SNX9: variants seen among roughly 807,000 people sequenced by gnomAD.
SNX9 encodes the protein sorting nexin 9.
Under a neutral mutation model 89.4 loss-of-function variants are expected in SNX9, and 44 were observed. The observed-to-expected ratio is 0.49, with a 90% CI of 0.39 to 0.63. The LOEUF (loss-of-function observed/expected upper bound fraction) is 0.63, where lower values mean the gene tolerates loss of function less well. Among genes scored for constraint, SNX9 ranks in the 30% least tolerant of loss-of-function variants. The pLI is 0.00. For synonymous variants in SNX9, 236 were observed against 247.8 expected (o/e 0.95, Z 0.45); for missense variants, 578 against 736.1 (o/e 0.79, Z 2.49).
intron 2 of SNX9, among the ~76,000 whole-genome samples, chr6:157,869,328 T>G (rs1218541819): frequency 6.6e-6 from 1 of 152,198 alleles, no homozygotes; most frequent in Non-Finnish European, 1.5e-5. Context: ...CTTCCTCCTG[T>G]GGCTCCAGCC....
intron 4 of SNX9, among the ~76,000 whole-genome samples, chr6:157,877,578 C>G (rs1489107899): frequency 6.6e-6 from 1 of 152,188 alleles, no homozygotes; most frequent in Non-Finnish European, 1.5e-5. Flanking sequence ...ATTTTCCTAT[C>G]AGGTTTGCCC....
chr6:157,842,525 G>A (rs1411518760), intron 1 of SNX9, among the ~76,000 whole-genome samples: 1 of 152,186 alleles, frequency 6.6e-6, no homozygotes, highest in Non-Finnish European at 1.5e-5. Flanking sequence ...GAGTTTGTTA[G>A]TCAGTCTCCC....
chr6:157,853,993 C>T (rs540017854), intron 1 of SNX9, among the ~76,000 whole-genome samples: 2 of 152,312 alleles, frequency 1.3e-5, no homozygotes, highest in Non-Finnish European at 2.9e-5. Flanking sequence ...AACCTATGTG[C>T]CTGGCTTCAA....
At chr6:157,906,065 G>T in intron 6 of SNX9, 63 bp from the exon 7 acceptor site, 1 of 1,379,574 alleles carries the variant, frequency 7.2e-7, no homozygotes, top group Non-Finnish European at 1.0e-6. Flanking sequence ...AAATGTAGAC[G>T]AGAGTTGTAA....
At chr6:157,874,680 G>T in intron 3 of SNX9, 1 of 180,346 alleles carries the variant, frequency 5.5e-6, no homozygotes, top group Non-Finnish European at 1.2e-5. Context: ...CATATTCTGA[G>T]CCATAAAACA....
chr6:157,867,854 A>T (rs1279781714), intron 2 of SNX9, among the ~76,000 whole-genome samples: 1 of 152,228 alleles, frequency 6.6e-6, no homozygotes. Flanking sequence ...ACAGGAAAAA[A>T]GTTCCCTAAA....
chr6:157,858,514 G>A lies in SNX9; in HGVS notation c.13-9033G>A, dbSNP rs140266584. Among the ~76,000 whole-genome samples, 249 of 152,198 alleles carry A rather than the reference G, an allele frequency of 1.6e-3. 3 individuals are homozygous for A. The East Asian group carries it at 0.042, about 26-fold the overall frequency. On this transcript the variant is annotated intron_variant, in intron 1 of 17. Transcript: ENST00000392185. ...TGGGATTACAAGTGTGAGCCACCATGCCCGGCCATTGTCCAGAGTCTTAAT... is the reference window on the plus strand; with the variant it reads ...TGGGATTACAAGTGTGAGCCACCATACCCGGCCATTGTCCAGAGTCTTAAT...
At chr6:157,848,324 T>C (rs554795673) in intron 1 of SNX9, among the ~76,000 whole-genome samples, 71 of 152,188 alleles carry the variant, frequency 4.7e-4, no homozygotes, top group Non-Finnish European at 5.9e-4. Flanking sequence ...GAATTGGCTC[T>C]GATGGCTTTA....
At chr6:157,920,805 A>G (rs1260709883) in intron 9 of SNX9, among the ~76,000 whole-genome samples, 1 of 152,154 alleles carries the variant, frequency 6.6e-6, no homozygotes, top group Non-Finnish European at 1.5e-5. Flanking sequence ...TGTTCACTTG[A>G]TGTTTGTTAT....
intron 9 of SNX9, among the ~76,000 whole-genome samples, chr6:157,918,530 G>A (rs1783519994): frequency 6.6e-6 from 1 of 152,094 alleles, no homozygotes; most frequent in Admixed American, 6.5e-5. Context: ...AAGATAGTTG[G>A]ATCTTACTTT....
chr6:157,908,293 T>C (rs1290262154), intron 7 of SNX9, among the ~76,000 whole-genome samples: 1 of 152,206 alleles, frequency 6.6e-6, no homozygotes, highest in African/African-American at 2.4e-5. Context: ...TCATTCTCCT[T>C]GAATCTCTGA....
intron 1 of SNX9, among the ~76,000 whole-genome samples, chr6:157,833,290 A>C (rs1387255242): frequency 2.6e-5 from 4 of 152,176 alleles, no homozygotes; most frequent in Non-Finnish European, 4.4e-5. Flanking sequence ...AAGGAAAAAA[A>C]AGATTTTTTT....
intron 1 of SNX9, among the ~76,000 whole-genome samples, chr6:157,855,716 C>T (rs1781997166): frequency 6.6e-6 from 1 of 152,114 alleles, no homozygotes. Flanking sequence ...ACATTTTCCC[C>T]AGATTGTCAT....
intron 13 of SNX9, among the ~76,000 whole-genome samples, chr6:157,932,866 C>CAAAA (rs10545432): frequency 5.1e-4 from 20 of 39,198 alleles, no homozygotes; most frequent in Non-Finnish European, 8.2e-4. Flanking sequence ...GACCCTGTCT[C>CAAAA]AAAAAAAAAA....
At position 157,855,062 on chromosome 6, in the gene SNX9, T is replaced by C. The variant is rs545143268; in HGVS notation, c.13-12485T>C. ...AGCCATCTTCTTTCCTCAGGGGCAG[T>C]GTTACCCATTTCTTTTACATTGTTA... is the stretch of plus-strand genomic sequence containing the variant. On this transcript the variant is annotated intron_variant, in intron 1 of 17. Coordinates refer to ENST00000392185, the MANE Select transcript of SNX9 (RefSeq NM_016224.5). 1.3e-3 allele frequency among the ~76,000 whole-genome samples: 205 copies of C among 152,174 alleles called. 1 individual carries two copies. The highest frequency in any genetic ancestry group is 2.2e-4 in the Non-Finnish European group (15 of 68,006).
At chr6:157,929,169 G>A (rs1362064715) in intron 12 of SNX9, among the ~76,000 whole-genome samples, 4 of 152,160 alleles carry the variant, frequency 2.6e-5, no homozygotes, top group East Asian at 1.9e-4. Flanking sequence ...TGTCAGTCAC[G>A]GCTTTCTGAC....
rs1784106732 is a variant in SNX9, at chr6:157,944,663, A to G, written c.*1825A>G. 1 of 152,310 alleles carries G rather than the reference A, an allele frequency of 6.6e-6. No homozygotes were observed. Among genetic ancestry groups the G allele is most frequent in the South Asian group, 2.1e-4 (1 of 4,828 alleles). 9.4% of individuals were successfully genotyped at this position (152,310 alleles called of 1,614,324 possible). A position where few individuals can be genotyped will look rare whatever the true frequency, so the allele number is the denominator to read the frequency against. ...TCTTCTGACATGAATTCATCATTTC[A>G]GTTCCGTAGGTCAGTGTTGCGGTCC... On this transcript the variant is annotated 3_prime_UTR_variant, in exon 18 of 18. Coordinates refer to ENST00000392185, the MANE Select transcript of SNX9 (RefSeq NM_016224.5).
At chr6:157,850,132 G>A (rs779764628) in intron 1 of SNX9, among the ~76,000 whole-genome samples, 2 of 152,200 alleles carry the variant, frequency 1.3e-5, no homozygotes, top group Non-Finnish European at 2.9e-5. Flanking sequence ...AGTGTTTCAA[G>A]AAGGAAGAGT....
At chr6:157,912,724 A>G (rs986723755) in intron 9 of SNX9, among the ~76,000 whole-genome samples, 1 of 152,224 alleles carries the variant, frequency 6.6e-6, no homozygotes, top group Admixed American at 6.5e-5. Flanking sequence ...GAAAAAATGT[A>G]CAGTTAACAT....
Sources: gnomAD v4.1 joint callset for allele counts (sites outside exome capture counted in the v4.1 genomes callset) on GRCh38, gnomAD v4.1.1 for gene constraint, MANE v1.5 for transcripts, NCBI Gene and HGNC (gene_info 2026-07-23, HGNC 2026-07-21) for gene names.